Variants in SLC9A6 observed in about 807,000 individuals in gnomAD.
SLC9A6 encodes the protein solute carrier family 9 member A6.
Under a neutral mutation model 45.3 loss-of-function variants are expected in SLC9A6, and 6 were observed. That is an observed-to-expected ratio of 0.13 (90% CI 0.07 to 0.26). The LOEUF (loss-of-function observed/expected upper bound fraction) is 0.26. SLC9A6 is among the 10% of genes least tolerant of loss of function. SLC9A6 has a pLI of 1.00. For synonymous variants in SLC9A6, 191 were observed against 187.7 expected (o/e 1.02, Z -0.14); for missense variants, 278 against 503.7 (o/e 0.55, Z 4.29).
chrX:136,031,902 G>A (rs781853589), intron 15 of SLC9A6, among the ~76,000 whole-genome samples: 73 of 111,293 alleles, frequency 6.6e-4, no homozygotes, highest in African/African-American at 2.3e-3. Flanking sequence ...TTCAGCTTTC[G>A]TAAGCCCATA....
intron 3 of SLC9A6, among the ~76,000 whole-genome samples, chrX:135,996,805 C>A (rs1466788304): frequency 9.1e-6 from 1 of 109,899 alleles, no homozygotes; most frequent in Non-Finnish European, 1.9e-5. Context: ...CTCGCTCTGT[C>A]GCCCAGGCTG....
chrX:135,994,695 T>C (rs2089475059), intron 2 of SLC9A6, 91 bp from the exon 3 acceptor site: 2 of 843,126 alleles, frequency 2.4e-6, no homozygotes, highest in South Asian at 4.0e-5. Context: ...GGAACTACCG[T>C]AAGAGATTTT....
chrX:135,988,503 TTTC>T (rs1556615243), intron 2 of SLC9A6, among the ~76,000 whole-genome samples: 40 of 107,648 alleles, frequency 3.7e-4, no homozygotes, highest in Middle Eastern at 4.6e-3. Flanking sequence ...CTTTCTTTTC[TTTC>T]TTTCTTTCTC....
chrX:135,983,066 A>G (rs1162468928), upstream of SLC9A6, among the ~76,000 whole-genome samples: 3 of 111,404 alleles, frequency 2.7e-5, no homozygotes, highest in East Asian at 5.6e-4. Context: ...CAGGAAGTCA[A>G]TAAGTGAGGA....
Position 136,044,436 on chromosome X carries a change from C to T in SLC9A6, c.1768-16C>T. 8.4e-7 allele frequency: 1 copy of T among 1,196,839 alleles called. No homozygotes were observed. The highest frequency in any genetic ancestry group is 1.8e-5 in the South Asian group (1 of 56,569). On this transcript the variant is annotated splice_polypyrimidine_tract_variant and intron_variant, in intron 17 of 17. Transcript: ENST00000630721. ...ACTTCTCAAAAATTCTTAAATCTTA[C>T]TTTATTTGCATTTAGAACCAGGAAC...
At chrX:136,041,597 C>T (rs1266647799) in intron 17 of SLC9A6, among the ~76,000 whole-genome samples, 1 of 111,547 alleles carries the variant, frequency 9.0e-6, no homozygotes, top group Non-Finnish European at 1.9e-5. Context: ...GAGAAGTCAG[C>T]CAGCTCTGTT....
intron 16 of SLC9A6, among the ~76,000 whole-genome samples, chrX:136,039,717 T>A (rs1359557902): frequency 8.9e-6 from 1 of 112,166 alleles, no homozygotes; most frequent in Non-Finnish European, 1.9e-5. Context: ...CAATTTACAG[T>A]GATGTTCCTT....
At chrX:135,995,041 G>T in intron 3 of SLC9A6, 56 bp downstream of exon 3, 1 of 769,417 alleles carries the variant, frequency 1.3e-6, no homozygotes. Context: ...GCAGCAAAAT[G>T]ATCCAGGAGA....
intron 15 of SLC9A6, 189 bp downstream of exon 15, chrX:136,030,351 C>T: frequency 2.1e-6 from 1 of 471,449 alleles, no homozygotes; most frequent in Non-Finnish European, 3.8e-6. Context: ...GCCACAGTGC[C>T]ATAGTGTGTG....
chrX:136,005,357 A>G (rs1321933714), intron 7 of SLC9A6, among the ~76,000 whole-genome samples: 1 of 112,798 alleles, frequency 8.9e-6, no homozygotes, highest in Non-Finnish European at 1.9e-5. Flanking sequence ...GGGGGTGTAC[A>G]TACCAGTGTT....
intron 1 of SLC9A6, among the ~76,000 whole-genome samples, chrX:135,975,566 T>C (rs2089256863): frequency 8.9e-6 from 1 of 112,414 alleles, no homozygotes; most frequent in South Asian, 3.7e-4. Context: ...GAACAGAGAT[T>C]TCTCTGTACC....
rs2071432515 is a variant in SLC9A6 at position 136,037,561 on chromosome X, T to TATTG, written c.1662-2512_1662-2511insGATT. On this transcript the variant is annotated intron_variant, in intron 16 of 17. Transcript: ENST00000630721. Reference sequence around the variant, plus strand: ...ATATATAGATAGAAAATTGGATATTTATTTATTTATTTATTTATTTATTTA... The same window carrying TATTG: ...ATATATAGATAGAAAATTGGATATTTATTGATTTATTTATTTATTTATTTATTTA... Among the ~76,000 whole-genome samples the TATTG allele has an allele frequency of 2.9e-5, 3 of 104,834 alleles. No homozygotes were observed. In the South Asian group the frequency reaches 1.2e-3, roughly 40 times the overall value. The allele number at this position is 104,834 out of a possible 115,157, so 91.0% of individuals were successfully genotyped here.
At chrX:136,036,670 C>T (rs1485631723) in intron 16 of SLC9A6, among the ~76,000 whole-genome samples, 3 of 112,742 alleles carry the variant, frequency 2.7e-5, no homozygotes, top group Admixed American at 9.4e-5. Context: ...CATGGCACCA[C>T]ATCCAGCTAG....
chrX:135,975,126 C>T (rs1432131183), intron 1 of SLC9A6: 3 of 113,765 alleles, frequency 2.6e-5, no homozygotes, highest in African/African-American at 9.7e-5. Flanking sequence ...ACAAATATCT[C>T]TCCTTAGCTC....
rs1216158248 is a variant in SLC9A6, at chrX:136,045,271, T to G, written c.*547T>G. ...CTGATGGCATTTGATCTTGCCCCATTCAGGTTGGGGAGTGAAGTGTGAGGA... is the reference window on the plus strand; with the variant it reads ...CTGATGGCATTTGATCTTGCCCCATGCAGGTTGGGGAGTGAAGTGTGAGGA... On this transcript the variant is annotated 3_prime_UTR_variant, in exon 18 of 18. Coordinates refer to ENST00000630721, the MANE Select transcript of SLC9A6 (RefSeq NM_001379110.1). 1 of 117,301 alleles carries G rather than the reference T, an allele frequency of 8.5e-6. No individual in the cohort carries two copies. Among genetic ancestry groups the G allele is most frequent in the Non-Finnish European group, 1.8e-5 (1 of 56,484 alleles). 9.7% of individuals were successfully genotyped at this position (117,301 alleles called of 1,213,427 possible). A position where few individuals can be genotyped will look rare whatever the true frequency, so the allele number is the denominator to read the frequency against.
At chrX:136,027,276 G>A (rs543075048) in intron 13 of SLC9A6, among the ~76,000 whole-genome samples, 2 of 111,329 alleles carry the variant, frequency 1.8e-5, no homozygotes, top group African/African-American at 6.5e-5. Context: ...AGGAGGCCAG[G>A]GACGGTTTCT....
chrX:136,044,460 A>G lies in SLC9A6; in HGVS notation c.1776A>G (p.Glu592=). 1 of 1,206,243 alleles carries G rather than the reference A, an allele frequency of 8.3e-7. No individual in the cohort carries two copies. Among genetic ancestry groups the G allele is most frequent in the Non-Finnish European group, 1.1e-6 (1 of 890,381 alleles). Residue 592 remains glutamate, a synonymous_variant, in exon 18 of 18, where the codon GAA becomes GAG. Coordinates refer to ENST00000630721, the MANE Select transcript of SLC9A6 (RefSeq NM_001379110.1). ...ACTTTATTTGCATTTAGAACCAGGA[A>G]CAGTTGAAAGATGATGATTCTGATC... The part of the protein sequence containing the change: ...LTSPQAYENQ[E]QLKDDDSDLI...
At chrX:136,001,768 A>G (rs1199975863) in intron 6 of SLC9A6, among the ~76,000 whole-genome samples, 4 of 112,294 alleles carry the variant, frequency 3.6e-5, no homozygotes, top group Non-Finnish European at 5.6e-5. Context: ...AAGATTAATG[A>G]CTACATGGTC....
At chrX:135,995,917 C>T (rs1422543680) in intron 3 of SLC9A6, among the ~76,000 whole-genome samples, 2 of 109,354 alleles carry the variant, frequency 1.8e-5, no homozygotes, top group South Asian at 3.9e-4. Context: ...TTTATCATGA[C>T]GTTTCTCATG....
Sources: gnomAD v4.1 joint callset for allele counts (sites outside exome capture counted in the v4.1 genomes callset) on GRCh38, gnomAD v4.1.1 for gene constraint, MANE v1.5 for transcripts, NCBI Gene and HGNC (gene_info 2026-07-23, HGNC 2026-07-21) for gene names.